Variants in C6 observed in about 807,000 individuals in gnomAD.
C6 encodes the protein complement C6.
C6 carries 101 observed loss-of-function variants against 112.9 expected under a neutral mutation model. The ratio of observed to expected loss-of-function variants is 0.89; its 90% CI spans 0.76 to 1.06. The LOEUF is 1.06. Among genes scored for constraint, C6 ranks in the 50% least tolerant of loss-of-function variants. C6 has a pLI of 0.00. For synonymous variants in C6, 431 were observed against 384.1 expected, an observed-to-expected ratio of 1.12 and a Z score of -1.43; for missense variants, 1,202 against 1,104.6, an observed-to-expected ratio of 1.09 and a Z score of -1.25.
At chr5:41,255,203 A>ATAAACCCTGTCTC (rs1741611274) in intron 1 of C6, among the ~76,000 whole-genome samples, 2 of 152,230 alleles carry the variant, frequency 1.3e-5, no homozygotes, top group Admixed American at 1.3e-4. Context: ...TCTACTAAAA[A>ATAAACCCTGTCTC]TACAAAAATT....
chr5:41,190,368 T>C (rs1750103336), intron 5 of C6, among the ~76,000 whole-genome samples: 1 of 152,212 alleles, frequency 6.6e-6, no homozygotes, highest in South Asian at 2.1e-4. Context: ...TTAGTGATGT[T>C]GAACATTTTA....
At position 41,199,845 on chromosome 5, in the gene C6, G is replaced by C; in HGVS notation, c.368C>G (p.Ala123Gly). ...CTTAGATGGAATGCATGGTTGAAAG[G>C]CTACCAGAGGCGCAGTGCATGGCTG... ...GGQPCTAPLVAFQPCIPSKLC... is the reference protein window; with the variant it reads ...GGQPCTAPLVGFQPCIPSKLC... The change falls in exon 4 of 18, where the codon GCC (alanine) becomes GGC (glycine). Residue 123 changes from alanine to glycine, a missense_variant. Ala to Gly is a moderately conservative substitution (Grantham distance 60). Transcript: ENST00000337836. 1 of 1,613,564 alleles carries C rather than the reference G, an allele frequency of 6.2e-7. No homozygotes were observed. Among genetic ancestry groups the C allele is most frequent in the South Asian group, 1.1e-5 (1 of 91,062 alleles).
At chr5:41,168,839 C>T (rs1283329755) in intron 9 of C6, among the ~76,000 whole-genome samples, 2 of 151,988 alleles carry the variant, frequency 1.3e-5, no homozygotes, top group African/African-American at 4.8e-5. Context: ...TTTTGAAGTC[C>T]TCTCATGTAC....
intron 4 of C6, among the ~76,000 whole-genome samples, chr5:41,196,839 A>C (rs1750656492): frequency 6.6e-6 from 1 of 152,046 alleles, no homozygotes; most frequent in South Asian, 2.1e-4. Context: ...TGACTTACTG[A>C]ATTTCATAAG....
At chr5:41,202,383 C>G (rs1180337373) in intron 2 of C6, among the ~76,000 whole-genome samples, 1 of 152,124 alleles carries the variant, frequency 6.6e-6, no homozygotes, top group South Asian at 2.1e-4. Flanking sequence ...ATATTGTAAA[C>G]AAATCTGTTT....
intron 6 of C6, among the ~76,000 whole-genome samples, chr5:41,182,630 T>A (rs78401967): frequency 0.017 from 2,647 of 152,342 alleles, 32 homozygotes; most frequent in Admixed American, 0.027. Flanking sequence ...AGATGCCTGC[T>A]GAATTTCTCC....
intron 5 of C6, among the ~76,000 whole-genome samples, chr5:41,190,915 T>C (rs2150344210): frequency 6.6e-6 from 1 of 152,286 alleles, no homozygotes; most frequent in South Asian, 2.1e-4. Context: ...TGGTTGTAAA[T>C]ACATGGTTTT....
intron 7 of C6, among the ~76,000 whole-genome samples, chr5:41,178,121 T>A (rs1749004847): frequency 6.6e-6 from 1 of 152,144 alleles, no homozygotes; most frequent in African/African-American, 2.4e-5. Context: ...TACCTGAAAC[T>A]GGCTATTTTA....
Position 41,260,536 on chromosome 5 carries a change from G to A in C6, c.-21+658C>T, listed in dbSNP as rs537376347. On this transcript the variant is annotated intron_variant, in intron 1 of 17. Coordinates refer to the C6 transcript ENST00000263413. ...TGTAATCCCAGCACTTTGGGAGGCCGAGGCGGTCGTATCACCTGAGGTTGG... is the reference window on the plus strand; with the variant it reads ...TGTAATCCCAGCACTTTGGGAGGCCAAGGCGGTCGTATCACCTGAGGTTGG... Among the ~76,000 whole-genome samples the A allele has an allele frequency of 3.2e-3, 483 of 151,426 alleles. 1 individual carries two copies. Among genetic ancestry groups the A allele is most frequent in the Non-Finnish European group, 4.7e-3 (319 of 67,894 alleles).
At chr5:41,195,378 C>CA (rs1013573206) in intron 5 of C6, among the ~76,000 whole-genome samples, 21 of 152,260 alleles carry the variant, frequency 1.4e-4, no homozygotes, top group African/African-American at 4.8e-4. Context: ...ATACTTTTAT[C>CA]ACACCCTCTT....
At chr5:41,228,787 C>T (rs1219690478) in intron 1 of C6, among the ~76,000 whole-genome samples, 2 of 152,052 alleles carry the variant, frequency 1.3e-5, no homozygotes, top group Non-Finnish European at 2.9e-5. Context: ...GTAAATCATC[C>T]TTGCATCCCA....
intron 12 of C6, 65 bp from the exon 13 acceptor site, chr5:41,158,850 T>A (rs1396811400): frequency 9.6e-7 from 1 of 1,040,818 alleles, no homozygotes; most frequent in Non-Finnish European, 1.5e-6. Context: ...TGTGTGTATA[T>A]GCTTATGTGT....
At chr5:41,239,071 T>G (rs1291030032) in intron 1 of C6, among the ~76,000 whole-genome samples, 3 of 151,832 alleles carry the variant, frequency 2.0e-5, no homozygotes, top group African/African-American at 7.3e-5. Flanking sequence ...ATTTTGGGTA[T>G]TCATCATCTG....
At chr5:41,238,392 T>G (rs1740466034) in intron 1 of C6, among the ~76,000 whole-genome samples, 1 of 152,030 alleles carries the variant, frequency 6.6e-6, no homozygotes, top group Admixed American at 6.6e-5. Context: ...TATAGATCAA[T>G]GGAACAGAAC....
At chr5:41,194,481 A>G (rs1750455987) in intron 5 of C6, among the ~76,000 whole-genome samples, 1 of 152,124 alleles carries the variant, frequency 6.6e-6, no homozygotes, top group Non-Finnish European at 1.5e-5. Flanking sequence ...GGTTTGGTTC[A>G]ATATTTTCTG....
upstream of C6, among the ~76,000 whole-genome samples, chr5:41,214,988 A>T (rs1488887109): frequency 1.3e-5 from 2 of 152,168 alleles, no homozygotes; most frequent in Non-Finnish European, 2.9e-5. Flanking sequence ...AAACACTAGA[A>T]TTGACCCAGC....
chr5:41,166,983 G>T (rs547540294), intron 9 of C6, among the ~76,000 whole-genome samples: 2 of 151,994 alleles, frequency 1.3e-5, no homozygotes, highest in East Asian at 3.9e-4. Flanking sequence ...CTTCATCTTT[G>T]CTCACTGTTT....
intron 1 of C6, among the ~76,000 whole-genome samples, chr5:41,227,849 C>T (rs1580227802): frequency 6.6e-6 from 1 of 152,146 alleles, no homozygotes; most frequent in East Asian, 1.9e-4. Context: ...TATGCTTGTG[C>T]CATTCTGTTT....
intron 1 of C6, among the ~76,000 whole-genome samples, chr5:41,225,211 C>T (rs1418067220): frequency 6.6e-6 from 1 of 152,144 alleles, no homozygotes; most frequent in Non-Finnish European, 1.5e-5. Context: ...GCTATCCCTC[C>T]CCTCTCCCCC....
Sources: gnomAD v4.1 joint callset for allele counts (sites outside exome capture counted in the v4.1 genomes callset) on GRCh38, gnomAD v4.1.1 for gene constraint, MANE v1.5 for transcripts, NCBI Gene and HGNC (gene_info 2026-07-23, HGNC 2026-07-21) for gene names.